Variants in WDPCP observed in about 807,000 individuals in gnomAD.
The protein encoded by WDPCP is WD repeat-containing and planar cell polarity effector protein fritz homolog.
WDPCP carries 71 observed loss-of-function variants against 93.1 expected under a neutral mutation model. The ratio of observed to expected loss-of-function variants is 0.76; its 90% CI spans 0.63 to 0.93. The LOEUF is 0.93. Among genes scored for constraint, WDPCP ranks in the 40% least tolerant of loss-of-function variants. The pLI, the probability that WDPCP is intolerant of heterozygous loss-of-function variation, is 0.00. For synonymous variants in WDPCP, 315 were observed against 315.0 expected (o/e 1.00, Z 0.00); for missense variants, 844 against 887.4 (o/e 0.95, Z 0.62).
intron 2 of WDPCP, among the ~76,000 whole-genome samples, chr2:63,727,012 C>T (rs113146698): frequency 0.017 from 2,532 of 152,152 alleles, 22 homozygotes; most frequent in African/African-American, 0.017. Context: ...TGACTTCTCT[C>T]CCTATTTCGA....
chr2:63,550,275 G>A (rs183415117), intron 1 of WDPCP, among the ~76,000 whole-genome samples: 1 of 149,428 alleles, frequency 6.7e-6, no homozygotes, highest in African/African-American at 2.5e-5. Context: ...CATTCTCCTT[G>A]GTTTAAAAAC....
At chr2:63,552,229 G>A (rs1705729879) in intron 1 of WDPCP, among the ~76,000 whole-genome samples, 1 of 150,546 alleles carries the variant, frequency 6.6e-6, no homozygotes, top group South Asian at 2.1e-4. Flanking sequence ...CTGTTAAACT[G>A]AGCAGAATGA....
intron 2 of WDPCP, among the ~76,000 whole-genome samples, chr2:63,733,596 C>T (rs1468607102): frequency 6.6e-6 from 1 of 152,142 alleles, no homozygotes; most frequent in African/African-American, 2.4e-5. Flanking sequence ...TGGTCCTGCT[C>T]GGTTACCATA....
At chr2:63,840,389 T>C in the WDPCP span, among the ~76,000 whole-genome samples, 2 of 152,156 alleles carry the variant, frequency 1.3e-5, no homozygotes, top group African/African-American at 4.8e-5. Flanking sequence ...CAGTTCCACG[T>C]TGAAGAGAAA....
chr2:63,407,542 A>G (rs1694684180), intron 9 of WDPCP, among the ~76,000 whole-genome samples: 1 of 152,078 alleles, frequency 6.6e-6, no homozygotes, highest in South Asian at 2.1e-4. Flanking sequence ...TCCCTGCTCT[A>G]TAACTTCATT....
chr2:63,539,172 T>A (rs1704525039), intron 1 of WDPCP, among the ~76,000 whole-genome samples: 1 of 152,246 alleles, frequency 6.6e-6, no homozygotes, highest in Admixed American at 6.5e-5. Context: ...AGATTAGTTT[T>A]TAAAAATTTA....
At chr2:63,708,403 C>T (rs146733789) in intron 2 of WDPCP, among the ~76,000 whole-genome samples, 27,738 of 152,248 alleles carry the variant, frequency 0.18, 2,765 homozygotes, top group Middle Eastern at 0.27. Flanking sequence ...AGCAAGGCTC[C>T]GTGGGCATAG....
chr2:63,489,665 G>T, intron 2 of WDPCP, among the ~76,000 whole-genome samples: 1 of 151,884 alleles, frequency 6.6e-6, no homozygotes, highest in East Asian at 1.9e-4. Flanking sequence ...GCTTGAAGAG[G>T]GTCCCTCTGG....
intron 12 of WDPCP, among the ~76,000 whole-genome samples, chr2:63,358,886 C>G (rs1278259546): frequency 1.3e-5 from 2 of 152,214 alleles, no homozygotes; most frequent in Admixed American, 1.3e-4. Context: ...ACTACCCAGT[C>G]TCACTGCCCA....
At position 63,451,056 on chromosome 2, in the gene WDPCP, C is replaced by T. The variant is rs182769533; in HGVS notation, c.385-11185G>A. 4.0e-5 allele frequency among the ~76,000 whole-genome samples: 6 copies of T among 151,748 alleles called. No individual in the cohort carries two copies. The East Asian group carries it at 9.7e-4, about 24-fold the overall frequency. Reference sequence around the variant, plus strand: ...TTTCAAAAGTATGATACTAAAGAAGCTCAGTAAGATACAAGAGAATCCTGA... The same window carrying T: ...TTTCAAAAGTATGATACTAAAGAAGTTCAGTAAGATACAAGAGAATCCTGA... On this transcript the variant is annotated intron_variant, in intron 6 of 17. Transcript: ENST00000272321.
chr2:63,300,579 C>A (rs962451043), intron 13 of WDPCP, among the ~76,000 whole-genome samples: 1 of 152,244 alleles, frequency 6.6e-6, no homozygotes, highest in Admixed American at 6.5e-5. Flanking sequence ...GGATCCCCAA[C>A]TTTCCTATCA....
chr2:63,283,284 C>A (rs1193263665), intron 13 of WDPCP, among the ~76,000 whole-genome samples: 1 of 152,170 alleles, frequency 6.6e-6, no homozygotes, highest in East Asian at 1.9e-4. Flanking sequence ...CTCAAGCAAT[C>A]CGCCTGCCTG....
intron 9 of WDPCP, among the ~76,000 whole-genome samples, chr2:63,411,548 A>T (rs181585934): frequency 4.1e-4 from 63 of 152,252 alleles, no homozygotes; most frequent in Admixed American, 6.5e-4. Context: ...AACTAAATGA[A>T]ATTGAAACAA....
intron 2 of WDPCP, among the ~76,000 whole-genome samples, chr2:63,795,835 C>T (rs774294202): frequency 1.7e-4 from 26 of 152,186 alleles, no homozygotes; most frequent in Non-Finnish European, 3.2e-4. Flanking sequence ...TATGATACTA[C>T]TGGCTCTCTA....
chr2:63,158,973 C>CAAAAAAA (rs34001322), intron 15 of WDPCP, among the ~76,000 whole-genome samples: 3 of 61,138 alleles, frequency 4.9e-5, no homozygotes, highest in African/African-American at 8.7e-5. Context: ...CTCATCTCTA[C>CAAAAAAA]AAAAAAAAAA....
At chr2:63,445,223 T>A (rs922311496) in intron 6 of WDPCP, among the ~76,000 whole-genome samples, 4 of 151,230 alleles carry the variant, frequency 2.6e-5, no homozygotes, top group South Asian at 2.1e-4. Context: ...TAAAAAAAAA[T>A]TAGTTGATTT....
intron 1 of WDPCP, among the ~76,000 whole-genome samples, chr2:63,532,908 G>A (rs1703973050): frequency 6.6e-6 from 1 of 152,146 alleles, no homozygotes; most frequent in African/African-American, 2.4e-5. Context: ...AAAAGACACA[G>A]ACTGGCAAAT....
intron 17 of WDPCP, among the ~76,000 whole-genome samples, chr2:63,127,402 C>T (rs1016600735): frequency 6.6e-5 from 10 of 151,686 alleles, no homozygotes; most frequent in Non-Finnish European, 1.5e-4. Context: ...GGATTACAAG[C>T]GTGAGCCACC....
intron 1 of WDPCP, among the ~76,000 whole-genome samples, chr2:63,495,294 T>G (rs1194237655): frequency 6.6e-6 from 1 of 152,200 alleles, no homozygotes; most frequent in East Asian, 1.9e-4. Flanking sequence ...AGTATTATCT[T>G]TCAGTATTAT....
Sources: gnomAD v4.1 joint callset for allele counts (sites outside exome capture counted in the v4.1 genomes callset) on GRCh38, gnomAD v4.1.1 for gene constraint, MANE v1.5 for transcripts, NCBI Gene and HGNC (gene_info 2026-07-23, HGNC 2026-07-21) for gene names.